Variants in SGMS1 observed in about 807,000 individuals in gnomAD.
SGMS1 encodes the protein phosphatidylcholine:ceramide cholinephosphotransferase 1.
Under a neutral mutation model 46.2 loss-of-function variants are expected in SGMS1, and 13 were observed. The observed-to-expected ratio is 0.28, with a 90% CI of 0.18 to 0.45. SGMS1 has a LOEUF of 0.45. Among genes scored for constraint, SGMS1 ranks in the 20% least tolerant of loss-of-function variants. The pLI, the probability that SGMS1 is intolerant of heterozygous loss-of-function variation, is 1.00. For synonymous variants in SGMS1, 203 were observed against 187.8 expected (o/e 1.08, Z -0.66); for missense variants, 324 against 519.9 (o/e 0.62, Z 3.66).
At chr10:50,624,241 A>ACGGTAAATCCCTTGGGGCAGGGC (rs1838890961), upstream of SGMS1, 1 of 497,520 alleles carries the variant, frequency 2.0e-6, no homozygotes, top group Admixed American at 6.4e-5. Flanking sequence ...ACAATCTGGG[A>ACGGTAAATCCCTTGGGGCAGGGC]CGGTAAATCC....
At chr10:50,400,398 T>C (rs958377872) in intron 6 of SGMS1, among the ~76,000 whole-genome samples, 21 of 266 alleles carry the variant, frequency 0.079, no homozygotes, top group East Asian at 0.22. Flanking sequence ...CATCCTGGCA[T>C]ATATATATAT....
At chr10:50,326,344 T>G (rs111268881) in intron 8 of SGMS1, among the ~76,000 whole-genome samples, 1 of 152,064 alleles carries the variant, frequency 6.6e-6, no homozygotes, top group Non-Finnish European at 1.5e-5. Flanking sequence ...TTTCCAAAGA[T>G]TCTATCAAAG....
chr10:50,620,366 T>C (rs1424090691), intron 1 of SGMS1, among the ~76,000 whole-genome samples: 1 of 152,238 alleles, frequency 6.6e-6, no homozygotes, highest in Non-Finnish European at 1.5e-5. Context: ...CAGCATGTCA[T>C]AAAAGTTCCT....
chr10:50,333,002 C>A (rs756911311), intron 7 of SGMS1, among the ~76,000 whole-genome samples: 1 of 152,214 alleles, frequency 6.6e-6, no homozygotes, highest in African/African-American at 2.4e-5. Flanking sequence ...TGGCCTCTCA[C>A]ATGATTATGT....
At position 50,307,124 on chromosome 10, in the gene SGMS1, C is replaced by G. The variant is rs1258782116; in HGVS notation, c.*18G>C. The G allele has an allele frequency of 1.2e-6, 2 of 1,606,968 alleles. No homozygotes were observed. Among genetic ancestry groups the G allele is most frequent in the Non-Finnish European group, 1.7e-6 (2 of 1,175,582 alleles). On this transcript the variant is annotated 3_prime_UTR_variant, in exon 11 of 11. Coordinates refer to ENST00000361781, the MANE Select transcript of SGMS1 (RefSeq NM_147156.4). The surrounding 1 kb of genome is among the most constrained non-coding windows in gnomAD (Gnocchi z 4.2). ...TAGCACTTCGGACAATTTGTCTTTT[C>G]CCCACTTTGTACAGCTGTTATGTGT...
intron 2 of SGMS1, among the ~76,000 whole-genome samples, chr10:50,559,770 C>G (rs1838217699): frequency 6.6e-6 from 1 of 152,028 alleles, no homozygotes; most frequent in African/African-American, 2.4e-5. Context: ...GCACATGGGA[C>G]AAAAATATAC....
Position 50,584,738 on chromosome 10 carries a change from T to C in SGMS1, c.-589+5415A>G, listed in dbSNP as rs1433045000. On this transcript the variant is annotated intron_variant, in intron 2 of 10. Coordinates refer to ENST00000361781, the MANE Select transcript of SGMS1 (RefSeq NM_147156.4). Reference sequence around the variant, plus strand: ...CATTTGATGTCTGATGGCTCCCAAATCCATGTGTAAGTATGACCAGGGCTT... The same window carrying C: ...CATTTGATGTCTGATGGCTCCCAAACCCATGTGTAAGTATGACCAGGGCTT... 2.0e-5 allele frequency among the ~76,000 whole-genome samples: 3 copies of C among 152,286 alleles called. No homozygotes were observed. The South Asian group carries it at 6.2e-4, about 32-fold the overall frequency.
intron 3 of SGMS1, among the ~76,000 whole-genome samples, chr10:50,471,072 TAA>T (rs1424782929): frequency 6.6e-6 from 1 of 152,116 alleles, no homozygotes; most frequent in Non-Finnish European, 1.5e-5. Context: ...AAAAAGATGA[TAA>T]AGAGTGAAAG....
At chr10:50,429,468 C>G (rs1286623082) in intron 6 of SGMS1, among the ~76,000 whole-genome samples, 1 of 152,106 alleles carries the variant, frequency 6.6e-6, no homozygotes, top group Non-Finnish European at 1.5e-5. Context: ...ACAATATTGC[C>G]TGAGGACACA....
intron 6 of SGMS1, among the ~76,000 whole-genome samples, chr10:50,362,492 A>C (rs776568902): frequency 1.3e-5 from 2 of 152,216 alleles, no homozygotes; most frequent in Non-Finnish European, 2.9e-5. Flanking sequence ...GATTTATACT[A>C]TCTGCGTAGT....
At chr10:50,444,659 G>A (rs1025667260) in intron 5 of SGMS1, among the ~76,000 whole-genome samples, 2 of 151,990 alleles carry the variant, frequency 1.3e-5, no homozygotes, top group Non-Finnish European at 2.9e-5. Flanking sequence ...AAGAGGCCGA[G>A]GTAAGAGGAT....
At chr10:50,502,642 T>C (rs1238105573) in intron 3 of SGMS1, among the ~76,000 whole-genome samples, 1 of 152,176 alleles carries the variant, frequency 6.6e-6, no homozygotes, top group African/African-American at 2.4e-5. Context: ...ATACAAAATT[T>C]TGTCACAGGA....
At chr10:50,573,995 T>C (rs1039888097) in intron 2 of SGMS1, among the ~76,000 whole-genome samples, 7 of 152,180 alleles carry the variant, frequency 4.6e-5, no homozygotes, top group Admixed American at 1.3e-4. Context: ...AATTGAACCA[T>C]GTCTTACATC....
intron 7 of SGMS1, chr10:50,342,235 T>C (rs1235864096): frequency 1.3e-5 from 2 of 152,234 alleles, no homozygotes; most frequent in East Asian, 1.9e-4. Flanking sequence ...TCCAAGTATC[T>C]TGTATTTCTA....
chr10:50,358,438 C>G (rs1183839998), intron 6 of SGMS1, among the ~76,000 whole-genome samples: 1 of 152,200 alleles, frequency 6.6e-6, no homozygotes, highest in Non-Finnish European at 1.5e-5. Flanking sequence ...AGAACAGGTA[C>G]AGTGGCTCAC....
chr10:50,604,025 T>A (rs1037185961), intron 1 of SGMS1, among the ~76,000 whole-genome samples: 2 of 152,188 alleles, frequency 1.3e-5, no homozygotes, highest in African/African-American at 2.4e-5. Context: ...AAAAGTCAGA[T>A]TTAATCTAAA....
intron 1 of SGMS1, among the ~76,000 whole-genome samples, chr10:50,606,465 C>A (rs1415371389): frequency 1.3e-5 from 2 of 152,096 alleles, no homozygotes; most frequent in Non-Finnish European, 1.5e-5. Context: ...TAAAATGGTA[C>A]ATTTTGTGTA....
chr10:50,552,438 C>A (rs1029930031), intron 2 of SGMS1, among the ~76,000 whole-genome samples: 1 of 152,154 alleles, frequency 6.6e-6, no homozygotes, highest in Non-Finnish European at 1.5e-5. Context: ...CTGGGTTTGA[C>A]AAGGTTAAGC....
rs1314613026 is a variant in SGMS1 at position 50,384,515 on chromosome 10, T to C, written c.-231-40170A>G. ...CTGCTTGCCTTCCTTTCTCTTTTCT[T>C]TTCTCTGAAATGCAAGTGGTGCAAT... On this transcript the variant is annotated intron_variant, in intron 6 of 10. Transcript: ENST00000361781. Among the ~76,000 whole-genome samples, 5 of 151,896 alleles carry C rather than the reference T, an allele frequency of 3.3e-5. No homozygotes were observed. The East Asian group carries it at 9.7e-4, about 29-fold the overall frequency.
Sources: gnomAD v4.1 joint callset for allele counts (sites outside exome capture counted in the v4.1 genomes callset) on GRCh38, gnomAD v4.1.1 for gene constraint, Gnocchi (gnomAD v3.1) non-coding constraint, MANE v1.5 for transcripts, NCBI Gene and HGNC (gene_info 2026-07-23, HGNC 2026-07-21) for gene names.